SPAG16: variants seen among roughly 807,000 people sequenced by gnomAD.
SPAG16 encodes the protein sperm-associated antigen 16 protein.
A neutral mutation model predicts 80.4 loss-of-function variants in SPAG16; 86 were observed. The ratio of observed to expected loss-of-function variants is 1.07; its 90% CI spans 0.90 to 1.28. The LOEUF (loss-of-function observed/expected upper bound fraction) is 1.28. Ranked by LOEUF, SPAG16 falls within the 50% of genes most tolerant of loss-of-function variation. SPAG16 has a pLI of 0.00. For synonymous variants in SPAG16, 294 were observed against 265.9 expected, an observed-to-expected ratio of 1.11 and a Z score of -1.03; for missense variants, 870 against 765.3, an observed-to-expected ratio of 1.14 and a Z score of -1.61.
intron 12 of SPAG16, among the ~76,000 whole-genome samples, chr2:213,949,197 G>T (rs1381604860): frequency 1.7e-3 from 8 of 4,710 alleles, no homozygotes; most frequent in Admixed American, 4.9e-3. Context: ...TTTTTTTGAG[G>T]TAGAGTCTCT....
At chr2:213,779,686 C>T (rs2069823861) in intron 10 of SPAG16, among the ~76,000 whole-genome samples, 1 of 152,128 alleles carries the variant, frequency 6.6e-6, no homozygotes, top group Admixed American at 6.5e-5. Context: ...GGAGCCTGTA[C>T]CAGTCATTGG....
chr2:213,812,767 T>C lies in SPAG16; in HGVS notation c.1071-49718T>C, dbSNP rs190392361. 5.1e-3 allele frequency among the ~76,000 whole-genome samples: 781 copies of C among 152,316 alleles called. 4 individuals are homozygous for C. Among genetic ancestry groups the C allele is most frequent in the Non-Finnish European group, 8.9e-3 (606 of 68,012 alleles). ...TTAGCATTTTTTGTTTTATTACATG[T>C]AACTAGGCAAGTCCTATCATCTCTA... On this transcript the variant is annotated intron_variant, in intron 10 of 15. Transcript: ENST00000331683.
Position 213,387,429 on chromosome 2 carries a change from C to CTTTTTTTTTTTTTTTTTTTT in SPAG16, c.942+12311_942+12312insTTTTTTTTTTTTTTTTTTTT, listed in dbSNP as rs1491308938. Among the ~76,000 whole-genome samples the CTTTTTTTTTTTTTTTTTTTT allele has an allele frequency of 8.4e-5, 6 of 71,776 alleles. 1 individual carries two copies. Among genetic ancestry groups the CTTTTTTTTTTTTTTTTTTTT allele is most frequent in the Non-Finnish European group, 4.8e-5 (2 of 41,900 alleles). The allele number at this position is 71,776 out of a possible 152,430, so 47.1% of individuals were successfully genotyped here. On this transcript the variant is annotated intron_variant, in intron 9 of 15. Coordinates refer to ENST00000331683, the MANE Select transcript of SPAG16 (RefSeq NM_024532.5). ...TTTTTGGGTTGGAATGAAATGCATG[C>CTTTTTTTTTTTTTTTTTTTT]TCTTTTTTTTTTTTTTTTTTTTTTT...
intron 15 of SPAG16, among the ~76,000 whole-genome samples, chr2:214,282,956 A>G (rs1317565597): frequency 6.6e-6 from 1 of 152,140 alleles, no homozygotes; most frequent in Non-Finnish European, 1.5e-5. Flanking sequence ...AAAAAGGATC[A>G]CAGCAGGTTC....
chr2:214,082,886 C>G (rs1384243572), intron 13 of SPAG16, among the ~76,000 whole-genome samples: 1 of 152,182 alleles, frequency 6.6e-6, no homozygotes, highest in Non-Finnish European at 1.5e-5. Context: ...CCCCATCACT[C>G]AGACTTGCCT....
At chr2:213,916,679 T>A (rs898980638) in intron 11 of SPAG16, among the ~76,000 whole-genome samples, 1 of 152,130 alleles carries the variant, frequency 6.6e-6, no homozygotes, top group African/African-American at 2.4e-5. Context: ...CCATGACACA[T>A]GGGGATTATC....
At chr2:214,105,127 G>A (rs2053314142) in intron 13 of SPAG16, among the ~76,000 whole-genome samples, 1 of 152,068 alleles carries the variant, frequency 6.6e-6, no homozygotes, top group Non-Finnish European at 1.5e-5. Context: ...AAGAACATAG[G>A]CAATGTAGTT....
At chr2:213,881,666 C>T (rs1410129136) in intron 11 of SPAG16, among the ~76,000 whole-genome samples, 1 of 152,146 alleles carries the variant, frequency 6.6e-6, no homozygotes, top group Non-Finnish European at 1.5e-5. Flanking sequence ...CTTATAAAAC[C>T]ATCAGATCTC....
At chr2:213,664,742 A>G (rs943065006) in intron 10 of SPAG16, among the ~76,000 whole-genome samples, 14 of 152,064 alleles carry the variant, frequency 9.2e-5, no homozygotes, top group African/African-American at 2.9e-4. Context: ...AGAAATTTCT[A>G]TTATTACTCT....
At chr2:214,142,232 C>T (rs2055399967) in intron 14 of SPAG16, among the ~76,000 whole-genome samples, 2 of 152,110 alleles carry the variant, frequency 1.3e-5, no homozygotes, top group South Asian at 4.1e-4. Context: ...TTGGATTTCT[C>T]AAGTCATTTT....
chr2:213,432,023 A>G (rs2070334018), intron 9 of SPAG16, among the ~76,000 whole-genome samples: 1 of 152,118 alleles, frequency 6.6e-6, no homozygotes, highest in Admixed American at 6.5e-5. Context: ...ATAAAATTAA[A>G]TTAATAATTT....
chr2:214,133,200 T>C (rs2054875294), intron 14 of SPAG16, among the ~76,000 whole-genome samples: 1 of 151,960 alleles, frequency 6.6e-6, no homozygotes, highest in South Asian at 2.1e-4. Context: ...TAATTCCCTG[T>C]TGGAGGTGGG....
chr2:214,388,882 G>T (rs940212222), intron 15 of SPAG16, among the ~76,000 whole-genome samples: 6 of 152,134 alleles, frequency 3.9e-5, no homozygotes, highest in Admixed American at 2.0e-4. Flanking sequence ...TGAGAACATT[G>T]CCTGTATTAA....
intron 14 of SPAG16, among the ~76,000 whole-genome samples, chr2:214,132,771 A>T (rs1200819107): frequency 6.6e-6 from 1 of 152,188 alleles, no homozygotes; most frequent in African/African-American, 2.4e-5. Flanking sequence ...AGGCAGGTCA[A>T]ATTTACATTT....
intron 13 of SPAG16, among the ~76,000 whole-genome samples, chr2:214,017,874 T>A (rs190819825): frequency 3.9e-5 from 6 of 152,202 alleles, no homozygotes; most frequent in African/African-American, 1.4e-4. Flanking sequence ...GTTACTATTA[T>A]GCATGCTAGC....
Position 213,362,636 on chromosome 2 carries a change from A to G in SPAG16, c.763-1440A>G, listed in dbSNP as rs562131773. Among the ~76,000 whole-genome samples, 3 of 152,324 alleles carry G rather than the reference A, an allele frequency of 2.0e-5. No individual in the cohort carries two copies. In the East Asian group the frequency reaches 5.8e-4, roughly 29 times the overall value. Reference sequence around the variant, plus strand: ...TCTTGCAAATCCATAACTTTAGTCTAACCATGGGGAAAATATCAGACAACC... The same window carrying G: ...TCTTGCAAATCCATAACTTTAGTCTGACCATGGGGAAAATATCAGACAACC... On this transcript the variant is annotated intron_variant, in intron 7 of 15. Coordinates refer to ENST00000331683, the MANE Select transcript of SPAG16 (RefSeq NM_024532.5).
At chr2:213,562,511 A>G (rs2059625218) in intron 10 of SPAG16, among the ~76,000 whole-genome samples, 1 of 152,222 alleles carries the variant, frequency 6.6e-6, no homozygotes, top group Admixed American at 6.5e-5. Flanking sequence ...AACAACTGAA[A>G]CTTTTTTTTC....
At chr2:213,598,746 G>A (rs1425668398) in intron 10 of SPAG16, among the ~76,000 whole-genome samples, 4 of 152,118 alleles carry the variant, frequency 2.6e-5, no homozygotes, top group Admixed American at 2.6e-4. Context: ...ACTGAGACAG[G>A]AATAATACAT....
intron 11 of SPAG16, among the ~76,000 whole-genome samples, chr2:213,904,553 G>A (rs1304459522): frequency 6.7e-6 from 1 of 148,536 alleles, no homozygotes; most frequent in East Asian, 2.0e-4. Flanking sequence ...TGAGATTTGG[G>A]TGGGGACACA....
Sources: gnomAD v4.1 joint callset for allele counts (sites outside exome capture counted in the v4.1 genomes callset) on GRCh38, gnomAD v4.1.1 for gene constraint, MANE v1.5 for transcripts, NCBI Gene and HGNC (gene_info 2026-07-23, HGNC 2026-07-21) for gene names.